AMOTL1: variants seen among roughly 807,000 people sequenced by gnomAD.
AMOTL1 encodes the protein angiomotin like 1, also known as angiomotin-like protein 1.
In AMOTL1, 45 loss-of-function variants were observed where a neutral mutation model predicts 102.9. That is an observed-to-expected ratio of 0.44 (90% CI 0.34 to 0.56). The LOEUF is 0.56. Ranked by LOEUF, AMOTL1 falls within the 20% of genes least tolerant of loss-of-function variation. The pLI is 0.01. For synonymous variants in AMOTL1, 481 were observed against 484.7 expected (o/e 0.99, Z 0.10); for missense variants, 1,114 against 1,225.6 (o/e 0.91, Z 1.36).
Position 94,809,380 on chromosome 11 carries a change from A to G in AMOTL1, c.1121+9069A>G, listed in dbSNP as rs138706896. On this transcript the variant is annotated intron_variant, in intron 3 of 12. Coordinates refer to ENST00000433060, the MANE Select transcript of AMOTL1 (RefSeq NM_130847.3). ...AGTGGTTAGTGGCCACTGTCTGGACAGTGTAGGACTAGAAGGAATGTGAAT... is the reference window on the plus strand; with the variant it reads ...AGTGGTTAGTGGCCACTGTCTGGACGGTGTAGGACTAGAAGGAATGTGAAT... Among the ~76,000 whole-genome samples the G allele has an allele frequency of 2.2e-4, 33 of 152,334 alleles. No individual in the cohort carries two copies. The East Asian group carries it at 5.8e-3, about 27-fold the overall frequency.
chr11:94,781,690 C>G (rs1951115613), intron 1 of AMOTL1, among the ~76,000 whole-genome samples: 1 of 152,004 alleles, frequency 6.6e-6, no homozygotes. Context: ...CAAAAATTAC[C>G]TGGGTGTGGT....
At chr11:94,766,167 C>T (rs1787550315), upstream of AMOTL1, among the ~76,000 whole-genome samples, 1 of 152,192 alleles carries the variant, frequency 6.6e-6, no homozygotes, top group Non-Finnish European at 1.5e-5. Flanking sequence ...CATCTGGTAT[C>T]TCCAAAGATA....
intron 2 of AMOTL1, chr11:94,729,174 T>G: frequency 1.5e-6 from 1 of 657,296 alleles, no homozygotes; most frequent in East Asian, 7.1e-5. Flanking sequence ...AGCAGCTGAG[T>G]GGAGAGGAGA....
intron 3 of AMOTL1, among the ~76,000 whole-genome samples, chr11:94,801,023 T>C (rs1353495454): frequency 1.3e-5 from 2 of 152,170 alleles, no homozygotes; most frequent in African/African-American, 4.8e-5. Flanking sequence ...CCCTATAGCA[T>C]TGTCTTGGAG....
Position 94,850,184 on chromosome 11 carries a change from C to G in AMOTL1, c.1719C>G (p.Asp573Glu), listed in dbSNP as rs376357430. 2 of 1,592,934 alleles carry G rather than the reference C, an allele frequency of 1.3e-6. No individual in the cohort carries two copies. The highest frequency in any genetic ancestry group is 2.7e-5 in the African/African-American group (2 of 74,628). The change falls in exon 7 of 13, where the codon GAC becomes GAG. Residue 573 changes from aspartate (D) to glutamate (E), a missense_variant. Coordinates refer to ENST00000433060, the MANE Select transcript of AMOTL1 (RefSeq NM_130847.3). ...CAGCAGTGCGGACTGCAAGTGAGGA[C>G]CATCGGAGACACATCGAGATCCTGG... ...ELAAVRTASE[D>E]HRRHIEILDQ...
In AMOTL1 at chr11:94,799,969, C is replaced by T. The variant is rs529761106; in HGVS notation, c.779C>T (p.Ser260Leu). 99 of 1,614,044 alleles carry T rather than the reference C, an allele frequency of 6.1e-5. No individual in the cohort carries two copies. Among genetic ancestry groups the T allele is most frequent in the African/African-American group, 1.9e-4 (14 of 75,066 alleles). ...LKELKQGHVR[S>L]LSERIMQLSL... ...GAACTGAAGCAGGGCCACGTCCGCT[C>T]GCTCAGCGAGAGAATCATGCAGCTG... The change falls in exon 3 of 13, where the codon TCG (serine) becomes TTG (leucine). Residue 260 changes from serine (S) to leucine (L), a missense_variant. Coordinates refer to ENST00000433060, the MANE Select transcript of AMOTL1 (RefSeq NM_130847.3). The surrounding 1 kb of genome is among the most constrained non-coding windows in gnomAD (Gnocchi z 4.5).
intron 1 of AMOTL1, among the ~76,000 whole-genome samples, chr11:94,717,143 C>T (rs1393940316): frequency 1.3e-5 from 2 of 151,622 alleles, no homozygotes; most frequent in Non-Finnish European, 2.9e-5. Context: ...ATCCTGAAAT[C>T]CCTAGCCAGT....
At chr11:94,731,333 G>A (rs1430347791) in intron 2 of AMOTL1, among the ~76,000 whole-genome samples, 1 of 152,180 alleles carries the variant, frequency 6.6e-6, no homozygotes, top group Non-Finnish European at 1.5e-5. Context: ...CACTGTCAGT[G>A]GGTGAAGCAC....
chr11:94,823,600 C>A lies in AMOTL1; in HGVS notation c.1413+1779C>A, dbSNP rs1951908836. 3.9e-5 allele frequency among the ~76,000 whole-genome samples: 6 copies of A among 152,208 alleles called. No homozygotes were observed. In the South Asian group the frequency reaches 1.2e-3, roughly 32 times the overall value. On this transcript the variant is annotated intron_variant, in intron 4 of 12. Transcript: ENST00000433060. ...CAGACATGTCCAGAAGCTATACAGA[C>A]CCACTTGAAGGCAGAGTTTGGTGCT... is the stretch of plus-strand genomic sequence containing the variant.
chr11:94,870,646 C>T (rs982955883), intron 12 of AMOTL1, 43 bp from the exon 13 acceptor site: 3 of 1,486,334 alleles, frequency 2.0e-6, no homozygotes, highest in Non-Finnish European at 2.7e-6. Context: ...GCCTATGCCC[C>T]TCCTGAGGAA....
intron 1 of AMOTL1, among the ~76,000 whole-genome samples, chr11:94,785,502 T>C (rs1008101489): frequency 7.9e-5 from 12 of 152,240 alleles, no homozygotes; most frequent in African/African-American, 2.9e-4. Context: ...TTATTGGTTA[T>C]ACTCTTTATT....
Position 94,760,103 on chromosome 11 carries a change from G to A in AMOTL1, c.136+19115G>A, listed in dbSNP as rs143663610. Among the ~76,000 whole-genome samples, 1,521 of 152,302 alleles carry A rather than the reference G, an allele frequency of 1.0e-2. 14 individuals are homozygous for A. The highest frequency in any genetic ancestry group is 0.02 in the Admixed American group (306 of 15,308). On this transcript the variant is annotated intron_variant, in intron 3 of 4. Transcript: ENST00000299004. ...AAGTTTAAGAACTACTGCCCTAATG[G>A]CACTGAAGATTCTGAGTCTTCTCCT...
At chr11:94,866,728 G>T (rs1411261830) in intron 11 of AMOTL1, 2 of 162,744 alleles carry the variant, frequency 1.2e-5, no homozygotes, top group African/African-American at 4.9e-5. Context: ...ATGGGATAAT[G>T]GGGGGAGGAC....
intron 1 of AMOTL1, among the ~76,000 whole-genome samples, chr11:94,770,671 A>G (rs1301263515): frequency 1.3e-5 from 2 of 152,216 alleles, no homozygotes; most frequent in African/African-American, 4.8e-5. Flanking sequence ...AGGATGTAGC[A>G]TACTAATTTT....
chr11:94,767,375 C>G (rs1318327802), upstream of AMOTL1, among the ~76,000 whole-genome samples: 1 of 152,156 alleles, frequency 6.6e-6, no homozygotes, highest in Non-Finnish European at 1.5e-5. Flanking sequence ...CCCACCAGAA[C>G]TGATGAGAGG....
At chr11:94,735,724 A>G (rs1424760494) in intron 2 of AMOTL1, among the ~76,000 whole-genome samples, 1 of 152,212 alleles carries the variant, frequency 6.6e-6, no homozygotes, top group Non-Finnish European at 1.5e-5. Flanking sequence ...CTACTAGGAC[A>G]CATAAGAAGT....
At chr11:94,778,066 T>C (rs552725889) in intron 1 of AMOTL1, among the ~76,000 whole-genome samples, 2 of 152,372 alleles carry the variant, frequency 1.3e-5, no homozygotes, top group South Asian at 4.1e-4. Flanking sequence ...GGGTTCGTTC[T>C]GCTCTAAGAA....
intron 3 of AMOTL1, among the ~76,000 whole-genome samples, chr11:94,742,576 T>C (rs1405769021): frequency 1.3e-5 from 2 of 152,222 alleles, no homozygotes; most frequent in Admixed American, 6.5e-5. Flanking sequence ...CTGATAAATA[T>C]GAGTATCCTT....
chr11:94,843,153 A>G (rs992120944), intron 6 of AMOTL1, among the ~76,000 whole-genome samples: 1 of 152,234 alleles, frequency 6.6e-6, no homozygotes, highest in African/African-American at 2.4e-5. Context: ...ACAACAAAAA[A>G]TCAAACCAGC....
Sources: gnomAD v4.1 joint callset for allele counts (sites outside exome capture counted in the v4.1 genomes callset) on GRCh38, gnomAD v4.1.1 for gene constraint, Gnocchi (gnomAD v3.1) non-coding constraint, MANE v1.5 for transcripts, NCBI Gene and HGNC (gene_info 2026-07-23, HGNC 2026-07-21) for gene names.